NRG2: variants seen among roughly 807,000 people sequenced by gnomAD.
NRG2 encodes the protein pro-neuregulin-2, membrane-bound isoform.
In NRG2, 27 loss-of-function variants were observed where a neutral mutation model predicts 73.9. The observed-to-expected ratio is 0.37, with a 90% CI of 0.27 to 0.50. NRG2 has a LOEUF of 0.50. Among genes scored for constraint, NRG2 ranks in the 20% least tolerant of loss-of-function variants. NRG2 has a pLI of 0.96. For synonymous variants in NRG2, 532 were observed against 541.0 expected (o/e 0.98, Z 0.23); for missense variants, 1,126 against 1,210.1 (o/e 0.93, Z 1.03).
chr5:139,847,059 A>C lies in NRG2; in HGVS notation c.*858T>G, dbSNP rs1019750810. On this transcript the variant is annotated 3_prime_UTR_variant, in exon 10 of 10. Transcript: ENST00000361474. The stretch of plus-strand genomic sequence containing the variant: ...TTGCTAAAAGGGGAATACACTGTCG[A>C]GTGGCTCTTCTCGGTCCCAGCGTGA... 1.3e-5 allele frequency: 2 copies of C among 152,256 alleles called. No homozygotes were observed. Among genetic ancestry groups the C allele is most frequent in the African/African-American group, 4.8e-5 (2 of 41,396 alleles). The allele number at this position is 152,256 out of a possible 1,614,324, so 9.4% of individuals were successfully genotyped here.
intron 1 of NRG2, among the ~76,000 whole-genome samples, chr5:139,917,939 T>C (rs931707556): frequency 3.9e-5 from 6 of 152,218 alleles, no homozygotes; most frequent in African/African-American, 1.4e-4. Flanking sequence ...CTCATGCTTA[T>C]GGTGTCATAT....
intron 1 of NRG2, among the ~76,000 whole-genome samples, chr5:139,989,828 G>A (rs1757446468): frequency 6.7e-6 from 1 of 149,648 alleles, no homozygotes; most frequent in Admixed American, 6.7e-5. Context: ...CTTGCCTTTT[G>A]CCCAGGCCGG....
chr5:140,000,282 C>T (rs772692283), intron 1 of NRG2, among the ~76,000 whole-genome samples: 2 of 152,224 alleles, frequency 1.3e-5, no homozygotes, highest in Non-Finnish European at 2.9e-5. Context: ...CACAGAACTG[C>T]GAGTCAATTG....
At chr5:140,007,969 T>C (rs1759043963) in intron 1 of NRG2, among the ~76,000 whole-genome samples, 1 of 152,166 alleles carries the variant, frequency 6.6e-6, no homozygotes, top group Non-Finnish European at 1.5e-5. Flanking sequence ...GATCTTCCAT[T>C]CTCTCTATTC....
At chr5:139,892,501 A>C (rs1242056332) in intron 1 of NRG2, among the ~76,000 whole-genome samples, 1 of 152,148 alleles carries the variant, frequency 6.6e-6, no homozygotes, top group Non-Finnish European at 1.5e-5. Flanking sequence ...ACATTTATGC[A>C]TCCAGAGACA....
At chr5:139,898,514 C>T (rs79574160) in intron 1 of NRG2, among the ~76,000 whole-genome samples, 3,269 of 152,246 alleles carry the variant, frequency 0.021, 119 homozygotes, top group African/African-American at 0.074. Context: ...AGTCACAGCC[C>T]GTTTGCCAGG....
At chr5:139,976,328 C>T (rs1045501773) in intron 1 of NRG2, among the ~76,000 whole-genome samples, 3 of 152,234 alleles carry the variant, frequency 2.0e-5, no homozygotes, top group Non-Finnish European at 4.4e-5. Flanking sequence ...GCTCACAATG[C>T]CTTCCCCAGA....
chr5:139,944,065 C>A (rs1168050052), intron 1 of NRG2, among the ~76,000 whole-genome samples: 1 of 151,132 alleles, frequency 6.6e-6, no homozygotes, highest in African/African-American at 2.4e-5. Context: ...TTTTTCAACC[C>A]CTAAAAAATA....
intron 1 of NRG2, among the ~76,000 whole-genome samples, chr5:140,012,503 T>C (rs1171732489): frequency 6.6e-6 from 1 of 152,206 alleles, no homozygotes; most frequent in Non-Finnish European, 1.5e-5. Flanking sequence ...CTAGTCGTCT[T>C]GTGCTCCACC....
chr5:140,042,893 G>A lies in NRG2; in HGVS notation c.177C>T (p.Pro59=). The change falls in exon 1 of 10, where the codon CCC becomes CCT. Residue 59 remains proline, a synonymous_variant. Transcript: ENST00000361474. The part of the protein sequence containing the change: ...SSSNNSSISR[P]AAPPEPRPQQ... ...GCGGCCGCGGCTCTGGGGGCGCAGC[G>A]GGACGAGAGATGCTGCTGTTGTTGC... 6.6e-7 allele frequency: 1 copy of A among 1,524,680 alleles called. No individual in the cohort carries two copies. Among genetic ancestry groups the A allele is most frequent in the Non-Finnish European group, 8.8e-7 (1 of 1,138,000 alleles). 94.4% of individuals were successfully genotyped at this position (1,524,680 alleles called of 1,614,324 possible).
Position 140,001,693 on chromosome 5 carries a change from C to G in NRG2, c.700+40677G>C, listed in dbSNP as rs1408417853. Among the ~76,000 whole-genome samples, 4 of 146,092 alleles carry G rather than the reference C, an allele frequency of 2.7e-5. No homozygotes were observed. In the East Asian group the frequency reaches 9.5e-4, roughly 35 times the overall value. On this transcript the variant is annotated intron_variant, in intron 1 of 9. Transcript: ENST00000361474. ...CCTGGGAAAAATAGCAAGACCCTAT[C>G]TCCACCAAAAAAAAAAAAAAATGGC...
At chr5:139,977,561 A>G (rs913878798) in intron 1 of NRG2, among the ~76,000 whole-genome samples, 2 of 152,226 alleles carry the variant, frequency 1.3e-5, no homozygotes, top group African/African-American at 4.8e-5. Context: ...TCAAGCTACC[A>G]GTGACTTTCT....
intron 1 of NRG2, among the ~76,000 whole-genome samples, chr5:139,996,744 T>C (rs1263915216): frequency 1.3e-5 from 2 of 152,222 alleles, no homozygotes; most frequent in Non-Finnish European, 2.9e-5. Context: ...CGTAAGACCC[T>C]TGAAGGCAGA....
chr5:139,919,514 T>TAAATTCCTGGCGTTGTGA (rs1751507548), intron 1 of NRG2, among the ~76,000 whole-genome samples: 1 of 152,094 alleles, frequency 6.6e-6, no homozygotes, highest in Non-Finnish European at 1.5e-5. Context: ...GTAATGTGGC[T>TAAATTCCTGGCGTTGTGA]AAATTCCTGG....
intron 5 of NRG2, chr5:139,859,761 G>T: frequency 1.1e-6 from 1 of 934,422 alleles, no homozygotes; most frequent in Non-Finnish European, 1.7e-6. Flanking sequence ...ATGGGGCCAG[G>T]AGAGATTTTT....
chr5:139,949,058 T>G (rs368142101), intron 1 of NRG2, among the ~76,000 whole-genome samples: 1 of 152,088 alleles, frequency 6.6e-6, no homozygotes, highest in African/African-American at 2.4e-5. Context: ...TCTCCAAAAA[T>G]CTGTAGTGTA....
intron 3 of NRG2, among the ~76,000 whole-genome samples, chr5:139,880,404 G>A (rs1309468332): frequency 6.6e-6 from 1 of 152,094 alleles, no homozygotes; most frequent in African/African-American, 2.4e-5. Flanking sequence ...GCCACCAGGG[G>A]CCCCAGGCAT....
intron 1 of NRG2, among the ~76,000 whole-genome samples, chr5:139,984,754 C>T (rs1757045930): frequency 6.6e-6 from 1 of 152,162 alleles, no homozygotes; most frequent in Admixed American, 6.5e-5. Flanking sequence ...ACAATAAGCA[C>T]AGAGAAGCTA....
At chr5:140,034,487 T>C (rs1761368333) in intron 1 of NRG2, among the ~76,000 whole-genome samples, 1 of 152,196 alleles carries the variant, frequency 6.6e-6, no homozygotes, top group African/African-American at 2.4e-5. Context: ...TCCTAGCCAG[T>C]GTAATAAGGC....
Sources: allele counts gnomAD v4.1 joint callset (sites outside exome capture counted in the v4.1 genomes callset), GRCh38; gene constraint gnomAD v4.1.1; transcripts MANE v1.5; gene names NCBI Gene and HGNC (gene_info 2026-07-23, HGNC 2026-07-21).